NCOA2: variants seen among roughly 807,000 people sequenced by gnomAD.
NCOA2 encodes class E basic helix-loop-helix protein 75.
A neutral mutation model predicts 145.1 loss-of-function variants in NCOA2; 21 were observed. The ratio of observed to expected loss-of-function variants is 0.14; its 90% CI spans 0.10 to 0.21. NCOA2 has a LOEUF of 0.21. Among genes scored for constraint, NCOA2 ranks in the 10% least tolerant of loss-of-function variants. The pLI is 1.00. For synonymous variants in NCOA2, 619 were observed against 637.5 expected (o/e 0.97, Z 0.44); for missense variants, 1,472 against 1,837.6 (o/e 0.80, Z 3.64).
chr8:70,356,543 T>C (rs1448697735), intron 1 of NCOA2, among the ~76,000 whole-genome samples: 1 of 152,208 alleles, frequency 6.6e-6, no homozygotes, highest in Non-Finnish European at 1.5e-5. Context: ...AAATACTACA[T>C]ATTTTAATTC....
intron 4 of NCOA2, among the ~76,000 whole-genome samples, chr8:70,213,616 G>T (rs1222472040): frequency 6.6e-6 from 1 of 152,184 alleles, no homozygotes; most frequent in Non-Finnish European, 1.5e-5. Context: ...AAATGCCACA[G>T]TGTGGGGAGG....
chr8:70,192,413 A>C (rs977441107), intron 4 of NCOA2, among the ~76,000 whole-genome samples: 1 of 152,238 alleles, frequency 6.6e-6, no homozygotes, highest in African/African-American at 2.4e-5. Context: ...GAACTTTGCC[A>C]GAGTCTTAGA....
At chr8:70,203,979 C>A (rs995719596) in intron 4 of NCOA2, among the ~76,000 whole-genome samples, 4 of 151,606 alleles carry the variant, frequency 2.6e-5, no homozygotes, top group African/African-American at 9.7e-5. Flanking sequence ...ATTAAAGTTC[C>A]TAATAAAAAA....
chr8:70,271,154 AAGG>A (rs1388721003), intron 2 of NCOA2, among the ~76,000 whole-genome samples: 3 of 152,032 alleles, frequency 2.0e-5, no homozygotes, highest in Non-Finnish European at 2.9e-5. Flanking sequence ...TTAAACCAAG[AAGG>A]AGATCTTTGT....
chr8:70,267,179 T>C (rs1481438763), intron 2 of NCOA2, among the ~76,000 whole-genome samples: 2 of 152,186 alleles, frequency 1.3e-5, no homozygotes. Context: ...TCTCTGTACA[T>C]TAATCTCCAT....
chr8:70,300,561 A>T (rs971509844), intron 1 of NCOA2, among the ~76,000 whole-genome samples: 120 of 152,338 alleles, frequency 7.9e-4, no homozygotes, highest in African/African-American at 2.6e-3. Flanking sequence ...TCTACACCAC[A>T]CATAAATAAG....
chr8:70,314,309 C>A (rs1586462194), intron 1 of NCOA2, among the ~76,000 whole-genome samples: 2 of 151,520 alleles, frequency 1.3e-5, no homozygotes, highest in East Asian at 3.9e-4. Context: ...GTATGCTTCA[C>A]CAACCTATAT....
Position 70,314,053 on chromosome 8 carries a change from G to A in NCOA2, c.-76-17253C>T, listed in dbSNP as rs540740915. 2.3e-4 allele frequency among the ~76,000 whole-genome samples: 35 copies of A among 151,022 alleles called. 1 individual carries two copies. The highest frequency in any genetic ancestry group is 4.6e-4 in the Admixed American group (7 of 15,180). On this transcript the variant is annotated intron_variant, in intron 1 of 22. Coordinates refer to ENST00000452400, the MANE Select transcript of NCOA2 (RefSeq NM_006540.4). ...AAATTAGCTTGGCATGATGGCGGAC[G>A]CCTATAGTCCCAGCTACTCGGGAGG...
chr8:70,449,148 T>C, the NCOA2 span, among the ~76,000 whole-genome samples: 1 of 152,204 alleles, frequency 6.6e-6, no homozygotes, highest in Non-Finnish European at 1.5e-5. Context: ...CAAAATGAAG[T>C]CAACTTATAC....
chr8:70,194,766 A>G (rs1197665520), intron 4 of NCOA2, among the ~76,000 whole-genome samples: 3 of 146,742 alleles, frequency 2.0e-5, no homozygotes, highest in Non-Finnish European at 4.4e-5. Context: ...TGCAAAAAAT[A>G]TTCTTCCTAG....
chr8:70,282,601 T>C (rs1339616908), intron 2 of NCOA2, among the ~76,000 whole-genome samples: 1 of 151,278 alleles, frequency 6.6e-6, no homozygotes, highest in Non-Finnish European at 1.5e-5. Context: ...GGCAGGAGAA[T>C]CGCTTGAACC....
At chr8:70,144,595 A>G in intron 13 of NCOA2, 47 bp downstream of exon 13, 1 of 1,472,836 alleles carries the variant, frequency 6.8e-7, no homozygotes, top group Non-Finnish European at 9.5e-7. Flanking sequence ...ATATACCATT[A>G]AATTAAATAA....
At chr8:70,339,572 G>GA (rs916669688) in intron 1 of NCOA2, among the ~76,000 whole-genome samples, 31 of 150,508 alleles carry the variant, frequency 2.1e-4, no homozygotes, top group African/African-American at 5.8e-4. Flanking sequence ...CACAGAATTA[G>GA]AAAAAAAAAT....
At chr8:70,400,253 A>C (rs1052199155) in intron 1 of NCOA2, among the ~76,000 whole-genome samples, 1 of 152,202 alleles carries the variant, frequency 6.6e-6, no homozygotes, top group Non-Finnish European at 1.5e-5. Context: ...ACTGACATCT[A>C]AAAGTCAAAG....
intron 2 of NCOA2, among the ~76,000 whole-genome samples, chr8:70,263,705 G>A (rs2135115862): frequency 6.6e-6 from 1 of 151,728 alleles, no homozygotes; most frequent in South Asian, 2.1e-4. Flanking sequence ...CTCCAGCCTG[G>A]GCGGCAGAGT....
At chr8:70,375,848 TTA>T (rs1413130852) in intron 1 of NCOA2, among the ~76,000 whole-genome samples, 1 of 152,200 alleles carries the variant, frequency 6.6e-6, no homozygotes, top group East Asian at 1.9e-4. Flanking sequence ...ATACAATTTT[TTA>T]TGTTTATGAA....
chr8:70,398,743 C>T (rs1435105328), intron 1 of NCOA2, among the ~76,000 whole-genome samples: 1 of 152,180 alleles, frequency 6.6e-6, no homozygotes, highest in Non-Finnish European at 1.5e-5. Context: ...CATAGGTTCC[C>T]TTGTCATTTA....
At chr8:70,337,738 TAAC>T (rs1807741612) in intron 1 of NCOA2, among the ~76,000 whole-genome samples, 1 of 152,102 alleles carries the variant, frequency 6.6e-6, no homozygotes, top group African/African-American at 2.4e-5. Context: ...GAACTGGTCA[TAAC>T]AGTCTCTCAG....
chr8:70,224,647 T>A (rs994570396), intron 2 of NCOA2, among the ~76,000 whole-genome samples: 1 of 152,142 alleles, frequency 6.6e-6, no homozygotes, highest in Non-Finnish European at 1.5e-5. Context: ...CTATTAGACA[T>A]GTGTTATGTG....
Sources: gnomAD v4.1 joint callset for allele counts (sites outside exome capture counted in the v4.1 genomes callset) on GRCh38, gnomAD v4.1.1 for gene constraint, MANE v1.5 for transcripts, NCBI Gene and HGNC (gene_info 2026-07-23, HGNC 2026-07-21) for gene names.